IFI44: variants seen among roughly 807,000 people sequenced by gnomAD.
IFI44 encodes interferon induced protein 44, also known as interferon-induced protein 44.
IFI44 carries 42 observed loss-of-function variants against 45.0 expected under a neutral mutation model. The observed-to-expected ratio is 0.93, with a 90% CI of 0.73 to 1.21. IFI44 has a LOEUF of 1.21. IFI44 is among the 50% of genes most tolerant of loss of function. The pLI is 0.00. For synonymous variants in IFI44, 221 were observed against 188.6 expected, an observed-to-expected ratio of 1.17 and a Z score of -1.41; for missense variants, 623 against 525.8, an observed-to-expected ratio of 1.18 and a Z score of -1.81.
intron 5 of IFI44, 99 bp from the exon 6 acceptor site, chr1:78,659,213 T>C (rs888050104): frequency 1.0e-6 from 1 of 971,908 alleles, no homozygotes; most frequent in African/African-American, 1.6e-5. Flanking sequence ...GACTTTTCTG[T>C]TTTGTTTACC....
rs370999790 is a variant in IFI44 at position 78,662,671 on chromosome 1, T to C, written c.1114-33T>C. ...TAACATAAAATAATATTTTTCACTGTTTTGCAATGTCTTTTTAATTTCTGT... is the reference window on the plus strand; with the variant it reads ...TAACATAAAATAATATTTTTCACTGCTTTGCAATGTCTTTTTAATTTCTGT... On this transcript the variant is annotated intron_variant, in intron 7 of 8. Coordinates refer to ENST00000370747, the MANE Select transcript of IFI44 (RefSeq NM_006417.5). 43 of 1,489,108 alleles carry C rather than the reference T, an allele frequency of 2.9e-5. No individual in the cohort carries two copies. The South Asian group carries it at 4.8e-4, about 17-fold the overall frequency. 92.2% of individuals were successfully genotyped at this position (1,489,108 alleles called of 1,614,324 possible). A position where few individuals can be genotyped will look rare whatever the true frequency, so the allele number is the denominator to read the frequency against.
chr1:78,650,604 C>G lies in IFI44; in HGVS notation c.409C>G (p.Gln137Glu), dbSNP rs1647108038. 6.2e-7 allele frequency: 1 copy of G among 1,609,000 alleles called. No individual in the cohort carries two copies. The highest frequency in any genetic ancestry group is 8.5e-7 in the Non-Finnish European group (1 of 1,178,106). Residue 137 changes from glutamine (Q) to glutamate (E), a missense_variant, in exon 2 of 9, where the codon CAA (glutamine) becomes GAA (glutamate). Gln to Glu is a conservative substitution (Grantham distance 29, BLOSUM62 2). Coordinates refer to ENST00000370747, the MANE Select transcript of IFI44 (RefSeq NM_006417.5). The stretch of plus-strand genomic sequence containing the variant: ...GACAATGGAAAATCTTGGACTTGCT[C>G]AAAATTGTACTATCTCTATTCAGGA... The part of the protein sequence containing the change: ...LKTMENLGLA[Q>E]NCTISIQDYE...
intron 1 of IFI44, 73 bp from the exon 2 acceptor site, chr1:78,650,113 A>C: frequency 4.5e-6 from 5 of 1,117,264 alleles, no homozygotes; most frequent in Non-Finnish European, 6.3e-6. Flanking sequence ...TAAGAGGCAT[A>C]AATGCAAATT....
chr1:78,650,021 T>C (rs1647094970), intron 1 of IFI44, 116 bp downstream of exon 1: 1 of 469,190 alleles, frequency 2.1e-6, no homozygotes, highest in Non-Finnish European at 3.7e-6. Flanking sequence ...AAAACAATAA[T>C]TTATAGTAAA....
At chr1:78,655,705 A>G (rs1397829910) in intron 5 of IFI44, among the ~76,000 whole-genome samples, 194 bp downstream of exon 5, 2 of 151,910 alleles carry the variant, frequency 1.3e-5, no homozygotes, top group Non-Finnish European at 2.9e-5. Context: ...TCCACTTTCT[A>G]TTGCTTTCAG....
intron 5 of IFI44, among the ~76,000 whole-genome samples, chr1:78,655,929 G>C (rs556888620): frequency 4.6e-5 from 7 of 152,150 alleles, no homozygotes; most frequent in Admixed American, 1.3e-4. Context: ...AGTCCTCAAT[G>C]TGATGGTATT....
chr1:78,658,870 G>A (rs576806273), intron 5 of IFI44, among the ~76,000 whole-genome samples: 5 of 152,222 alleles, frequency 3.3e-5, no homozygotes, highest in African/African-American at 9.6e-5. Context: ...ATTTTTGTCA[G>A]TATATCAGTG....
At chr1:78,658,378 A>T (rs1406293345) in intron 5 of IFI44, among the ~76,000 whole-genome samples, 3 of 152,132 alleles carry the variant, frequency 2.0e-5, no homozygotes, top group African/African-American at 7.2e-5. Context: ...CAATTAAAAC[A>T]TTTTAGCATA....
intron 8 of IFI44, chr1:78,663,379 C>CT: frequency 1.0e-6 from 1 of 985,280 alleles, no homozygotes; most frequent in Non-Finnish European, 1.2e-6. Context: ...GAGGTATGTC[C>CT]TTTTATGTAA....
rs779579583 is a variant in IFI44 at position 78,655,102 on chromosome 1, A to G, written c.583A>G (p.Ile195Val). Residue 195 changes from isoleucine to valine, a missense_variant, in exon 4 of 9, where the codon ATT becomes GTT. Transcript: ENST00000370747. The part of the protein sequence containing the change: ...QQIRILLLGP[I>V]GAGKSSFFNS... ...AATACGAATTCTGCTGCTGGGTCCA[A>G]TTGGAGCTGGGAAGTCCAGCTTTTT... 67 of 1,613,782 alleles carry G rather than the reference A, an allele frequency of 4.2e-5. No individual in the cohort carries two copies. Among genetic ancestry groups the G allele is most frequent in the Middle Eastern group, 1.6e-4 (1 of 6,084 alleles).
chr1:78,661,371 T>C (rs999514302), intron 7 of IFI44, among the ~76,000 whole-genome samples: 20 of 152,256 alleles, frequency 1.3e-4, no homozygotes, highest in African/African-American at 4.1e-4. Flanking sequence ...CCATTTTTTT[T>C]CAATTTTTTT....
At chr1:78,663,309 CCTTTTTGTTT>C in intron 8 of IFI44, 1 of 985,174 alleles carries the variant, frequency 1.0e-6, no homozygotes, top group Non-Finnish European at 1.2e-6. Context: ...CTTTGACTTG[CCTTTTTGTTT>C]CTTTCCTTCA....
chr1:78,657,919 C>T (rs1007365769), intron 5 of IFI44, among the ~76,000 whole-genome samples: 4 of 152,072 alleles, frequency 2.6e-5, no homozygotes, highest in African/African-American at 9.6e-5. Flanking sequence ...TGACATGAAC[C>T]TAAAAGTCTT....
Position 78,659,422 on chromosome 1 carries a change from A to G in IFI44, c.951A>G (p.Gln317=). The change falls in exon 6 of 9, where the codon CAA becomes CAG. Residue 317 remains glutamine, a synonymous_variant. Coordinates refer to ENST00000370747, the MANE Select transcript of IFI44 (RefSeq NM_006417.5). ...VAFVFDASSI[Q]YFSSQMIVKI... ...TTGTATTTGATGCCAGCTCTATTCAATACTTCTCCTCTCAGATGATAGTAA... is the reference window on the plus strand; with the variant it reads ...TTGTATTTGATGCCAGCTCTATTCAGTACTTCTCCTCTCAGATGATAGTAA... 1.9e-6 allele frequency: 3 copies of G among 1,613,644 alleles called. No homozygotes were observed. Among genetic ancestry groups the G allele is most frequent in the East Asian group, 2.2e-5 (1 of 44,826 alleles).
chr1:78,654,744 G>A (rs1570391323), intron 3 of IFI44, among the ~76,000 whole-genome samples: 2 of 151,854 alleles, frequency 1.3e-5, no homozygotes, highest in African/African-American at 4.8e-5. Context: ...TGATCTTTAT[G>A]TTTAAAACAG....
chr1:78,650,728 A>C (rs923305128), intron 2 of IFI44, 76 bp downstream of exon 2: 21 of 990,792 alleles, frequency 2.1e-5, no homozygotes, highest in Non-Finnish European at 3.0e-5. Context: ...CATCTCTTTA[A>C]GGAAAAATGA....
intron 7 of IFI44, among the ~76,000 whole-genome samples, chr1:78,661,567 C>T (rs1647457624): frequency 6.6e-6 from 1 of 151,896 alleles, no homozygotes; most frequent in South Asian, 2.1e-4. Flanking sequence ...CTACACAGAT[C>T]ATGAAAAAAA....
At position 78,662,752 on chromosome 1, in the gene IFI44, G is replaced by T; in HGVS notation, c.1162G>T (p.Val388Leu). 1 of 1,613,820 alleles carries T rather than the reference G, an allele frequency of 6.2e-7. No individual in the cohort carries two copies. The highest frequency in any genetic ancestry group is 8.5e-7 in the Non-Finnish European group (1 of 1,179,896). Residue 388 changes from valine (V) to leucine (L), a missense_variant, in exon 8 of 9, where the codon GTG becomes TTG. Transcript: ENST00000370747. ...TGGATTTGCTCTTTCTGACATCTCGGTGGTTAGCAATTATTCCTCTGAGTG... is the reference window on the plus strand; with the variant it reads ...TGGATTTGCTCTTTCTGACATCTCGTTGGTTAGCAATTATTCCTCTGAGTG... ...KLGFALSDISVVSNYSSEWEL... is the reference protein window; with the variant it reads ...KLGFALSDISLVSNYSSEWEL...
chr1:78,660,738 G>A (rs758886519), intron 7 of IFI44, 84 bp downstream of exon 7: 6 of 909,786 alleles, frequency 6.6e-6, no homozygotes, highest in Non-Finnish European at 1.1e-5. Context: ...ATAAAAACAA[G>A]CAGCTACTGG....
Sources: allele counts gnomAD v4.1 joint callset (sites outside exome capture counted in the v4.1 genomes callset), GRCh38; gene constraint gnomAD v4.1.1; transcripts MANE v1.5; gene names NCBI Gene and HGNC (gene_info 2026-07-23, HGNC 2026-07-21).